The following KMT2E variants were observed in gnomAD, a reference collection of about 807,000 sequenced individuals.
KMT2E encodes the protein lysine methyltransferase 2E (inactive).
A neutral mutation model predicts 184.6 loss-of-function variants in KMT2E; 30 were observed. The ratio of observed to expected loss-of-function variants is 0.16; its 90% confidence interval spans 0.12 to 0.22. The LOEUF (loss-of-function observed/expected upper bound fraction) is 0.22. Ranked by LOEUF, KMT2E falls within the 10% of genes least tolerant of loss-of-function variation. KMT2E has a pLI of 1.00. For missense variants in KMT2E, 2,023 were observed against 2,237.4 expected (o/e 0.90, Z 1.93); for synonymous variants, 815 against 776.5 (o/e 1.05, Z -0.82).
chr7:105,074,695 T>C lies in KMT2E; in HGVS notation c.609T>C (p.Tyr203=). The change falls in exon 8 of 27, where the codon TAT becomes TAC. Residue 203 remains tyrosine (Y), a synonymous_variant. Transcript: ENST00000311117. ...GTGATGAGGTTCCTGTGGAATTATA[T>C]ACTGCATTTCAGCATACTCCAACAT... ...ESGDEVPVEL[Y]TAFQHTPTSI... is the part of the protein sequence containing the mutation. 6.2e-7 allele frequency: 1 copy of C among 1,603,872 alleles called. No homozygotes were observed. The highest frequency in any genetic ancestry group is 1.3e-5 in the African/African-American group (1 of 74,574).
chr7:105,098,567 TA>T (rs1488482178), intron 15 of KMT2E, among the ~76,000 whole-genome samples: 1 of 152,110 alleles, frequency 6.6e-6, no homozygotes, highest in African/African-American at 2.4e-5. Flanking sequence ...CACACCTGGC[TA>T]ATTTTTGTTT....
intron 1 of KMT2E, among the ~76,000 whole-genome samples, chr7:105,022,134 G>A (rs1794981911): frequency 6.6e-6 from 1 of 152,084 alleles, no homozygotes; most frequent in African/African-American, 2.4e-5. Context: ...GTTTTCCTAA[G>A]TAACAGAGTA....
intron 3 of KMT2E, among the ~76,000 whole-genome samples, chr7:105,045,100 A>G (rs919621699): frequency 6.6e-6 from 1 of 152,166 alleles, no homozygotes; most frequent in Non-Finnish European, 1.5e-5. Context: ...CAGATGTCCA[A>G]ATCCTTATGG....
rs1297072667 is a variant in KMT2E, at chr7:105,032,053, A to G, written c.-188-6073A>G. Among the ~76,000 whole-genome samples the G allele has an allele frequency of 4.4e-5, 6 of 137,754 alleles. No individual in the cohort carries two copies. In the East Asian group the frequency reaches 1.4e-3, roughly 31 times the overall value. The allele number at this position is 137,754 out of a possible 152,430, so 90.4% of individuals were successfully genotyped here. On this transcript the variant is annotated intron_variant, in intron 1 of 26. Coordinates refer to ENST00000311117, the MANE Select transcript of KMT2E (RefSeq NM_182931.3). ...TGCACTCCACACTCCAGCCTGGGCGACATAGCAAGACTCTTATCACAAAAA... is the reference window on the plus strand; with the variant it reads ...TGCACTCCACACTCCAGCCTGGGCGGCATAGCAAGACTCTTATCACAAAAA...
chr7:105,112,870 C>T lies in KMT2E; in HGVS notation c.5114C>T (p.Ala1705Val). The change falls in exon 27 of 27, where the codon GCA (alanine) becomes GTA (valine). Residue 1705 changes from alanine (A) to valine (V), a missense_variant. Ala to Val is a moderately conservative substitution (Grantham distance 64). This residue lies in a region of KMT2E where 1,108 missense variants were observed against 1,050.9 expected (regional missense o/e 1.05). Coordinates refer to ENST00000311117, the MANE Select transcript of KMT2E (RefSeq NM_182931.3). ...HPSTGLQGLQAQHQHVVNSAP... is the reference protein window; with the variant it reads ...HPSTGLQGLQVQHQHVVNSAP... ...TCCACAGGACTCCAAGGTCTACAAGCACAACACCAGCATGTTGTAAATTCA... is the reference window on the plus strand; with the variant it reads ...TCCACAGGACTCCAAGGTCTACAAGTACAACACCAGCATGTTGTAAATTCA... 1 of 1,533,374 alleles carries T rather than the reference C, an allele frequency of 6.5e-7. No homozygotes were observed. Among genetic ancestry groups the T allele is most frequent in the East Asian group, 2.5e-5 (1 of 39,488 alleles). 95.0% of individuals were successfully genotyped at this position (1,533,374 alleles called of 1,614,324 possible). A position where few individuals can be genotyped will look rare whatever the true frequency, so the allele number is the denominator to read the frequency against.
chr7:105,096,188 A>C (rs180742044), intron 15 of KMT2E, among the ~76,000 whole-genome samples: 38 of 136,080 alleles, frequency 2.8e-4, no homozygotes, highest in Admixed American at 1.4e-3. Flanking sequence ...CCAGAAGAGG[A>C]GGCTGCAGTG....
chr7:105,032,633 C>T (rs1795472589), intron 1 of KMT2E, among the ~76,000 whole-genome samples: 1 of 152,158 alleles, frequency 6.6e-6, no homozygotes. Flanking sequence ...TCCCAGTTAG[C>T]TGGGATTACA....
intron 1 of KMT2E, among the ~76,000 whole-genome samples, chr7:105,027,431 A>G (rs1253924112): frequency 2.0e-5 from 3 of 151,808 alleles, no homozygotes; most frequent in Non-Finnish European, 4.4e-5. Flanking sequence ...GTATCCACCA[A>G]CCTCATTCTT....
chr7:105,064,161 TTGG>T, intron 5 of KMT2E: 1 of 259,992 alleles, frequency 3.8e-6, no homozygotes, highest in Admixed American at 5.9e-5. Context: ...TTTTTTTTTC[TTGG>T]TTTTTTTTTT....
chr7:105,099,365 A>AT (rs1162951246), intron 15 of KMT2E, among the ~76,000 whole-genome samples: 1 of 152,162 alleles, frequency 6.6e-6, no homozygotes, highest in African/African-American at 2.4e-5. Context: ...CTTAATACAC[A>AT]TGGGCTTTGG....
At chr7:105,064,155 T>G (rs1470662455) in intron 5 of KMT2E, 2 of 290,680 alleles carry the variant, frequency 6.9e-6, no homozygotes, top group Non-Finnish European at 1.4e-5. Flanking sequence ...GTATCATTTT[T>G]TTTTCTTGGT....
chr7:105,062,427 AT>A, intron 4 of KMT2E, 149 bp downstream of exon 4: 1 of 528,910 alleles, frequency 1.9e-6, no homozygotes, highest in South Asian at 3.5e-5. Context: ...TTCATTAACC[AT>A]TAAGCGATTA....
At chr7:105,067,568 T>C (rs774429235) in intron 6 of KMT2E, among the ~76,000 whole-genome samples, 7 of 152,226 alleles carry the variant, frequency 4.6e-5, no homozygotes, top group Non-Finnish European at 8.8e-5. Flanking sequence ...ACATGTTGTT[T>C]TAAGGCAAAT....
intron 1 of KMT2E, among the ~76,000 whole-genome samples, chr7:105,015,881 T>A (rs778638865): frequency 1.3e-4 from 20 of 152,132 alleles, no homozygotes; most frequent in Non-Finnish European, 1.9e-4. Flanking sequence ...TTGATTCGTT[T>A]TTCCTGAAAG....
chr7:105,077,388 T>A lies in KMT2E; in HGVS notation c.1085T>A (p.Phe362Tyr), dbSNP rs749832920. The change falls in exon 11 of 27, where the codon TTT becomes TAT. Residue 362 changes from phenylalanine to tyrosine, a missense_variant. Coordinates refer to ENST00000311117, the MANE Select transcript of KMT2E (RefSeq NM_182931.3). The stretch of plus-strand genomic sequence containing the variant: ...CTTATCATTGAATACAGAGGGAAGT[T>A]TATGCTGAGAGAACAGTTTGAAGCA... Reference protein sequence around the residue: ...DALIIEYRGKFMLREQFEANG... With the variant: ...DALIIEYRGKYMLREQFEANG... 4.3e-6 allele frequency: 7 copies of A among 1,610,250 alleles called. No individual in the cohort carries two copies. The highest frequency in any genetic ancestry group is 5.9e-6 in the Non-Finnish European group (7 of 1,177,368).
At chr7:105,050,665 T>TTTTCTTTCTTTC (rs557700509) in intron 3 of KMT2E, among the ~76,000 whole-genome samples, 6 of 147,520 alleles carry the variant, frequency 4.1e-5, no homozygotes, top group African/African-American at 1.5e-4. Context: ...TTTCTTTCTT[T>TTTTCTTTCTTTC]TTTCTTTCTT....
Position 105,101,995 on chromosome 7 carries a change from G to A in KMT2E, c.1997G>A (p.Arg666Gln). Residue 666 changes from arginine (R) to glutamine (Q), a missense_variant, in exon 17 of 27, where the codon CGG (arginine) becomes CAG (glutamine). Transcript: ENST00000311117. ...AGGACTCACATTGGACAGCAGCGTC[G>A]GAGACACAGAACTGTCAGCATGTGT... Reference protein sequence around the residue: ...RSRTHIGQQRRRHRTVSMCSD... With the variant: ...RSRTHIGQQRQRHRTVSMCSD... 5 of 1,613,776 alleles carry A rather than the reference G, an allele frequency of 3.1e-6. No homozygotes were observed. The highest frequency in any genetic ancestry group is 4.2e-6 in the Non-Finnish European group (5 of 1,179,866).
rs761573835 is a variant in KMT2E, at chr7:105,062,246, C to A, written c.154C>A (p.His52Asn). 6.2e-7 allele frequency: 1 copy of A among 1,613,276 alleles called. No individual in the cohort carries two copies. Among genetic ancestry groups the A allele is most frequent in the Non-Finnish European group, 8.5e-7 (1 of 1,179,388 alleles). ...PHQLYTSSSH[H>N]SHSYIGLPYA... ...CCAGTTATATACCAGCAGCTCACATCATTCACACAGTTACATTGGTTTGCC... is the reference window on the plus strand; with the variant it reads ...CCAGTTATATACCAGCAGCTCACATAATTCACACAGTTACATTGGTTTGCC... Residue 52 changes from histidine to asparagine, a missense_variant, in exon 4 of 27, where the codon CAT becomes AAT. Transcript: ENST00000311117.
chr7:105,076,015 A>G, intron 8 of KMT2E, 28 bp from the exon 9 acceptor site: 1 of 1,555,730 alleles, frequency 6.4e-7, no homozygotes, highest in African/African-American at 1.4e-5. Context: ...TTTTTAGGAA[A>G]CTAACTAGAA....
Sources: gnomAD v4.1 joint callset for allele counts (sites outside exome capture counted in the v4.1 genomes callset) on GRCh38, gnomAD v4.1.1 for gene constraint, gnomAD v4.1.1 regional missense constraint, MANE v1.5 for transcripts, NCBI Gene and HGNC (gene_info 2026-07-23, HGNC 2026-07-21) for gene names.